ZNF367: variants seen among roughly 807,000 people sequenced by gnomAD.
ZNF367 encodes C2H2 zinc finger protein ZFF29.
Under a neutral mutation model 31.8 loss-of-function variants are expected in ZNF367, and 11 were observed. The observed-to-expected ratio is 0.35, with a 90% CI of 0.22 to 0.57. ZNF367 has a LOEUF of 0.57. ZNF367 is among the 20% of genes least tolerant of loss of function. The pLI is 0.85. For synonymous variants in ZNF367, 199 were observed against 202.4 expected, an observed-to-expected ratio of 0.98 and a Z score of 0.14; for missense variants, 353 against 484.1, an observed-to-expected ratio of 0.73 and a Z score of 2.54.
chr9:96,405,059 C>T (rs1160804877), intron 1 of ZNF367, among the ~76,000 whole-genome samples: 5 of 152,104 alleles, frequency 3.3e-5, no homozygotes, highest in African/African-American at 9.7e-5. Context: ...CAGTGTATCA[C>T]GCCTGTAATC....
intron 1 of ZNF367, among the ~76,000 whole-genome samples, chr9:96,403,210 C>T (rs1487452980): frequency 6.6e-6 from 1 of 152,182 alleles, no homozygotes; most frequent in African/African-American, 2.4e-5. Context: ...CCTCGTGATC[C>T]ACCCGCCTTG....
At chr9:96,415,358 A>G (rs1587751171) in intron 1 of ZNF367, among the ~76,000 whole-genome samples, 1 of 142,356 alleles carries the variant, frequency 7.0e-6, no homozygotes, top group African/African-American at 2.7e-5. Flanking sequence ...TGAGCCACCC[A>G]CCCGGTGGAT....
intron 1 of ZNF367, among the ~76,000 whole-genome samples, chr9:96,401,569 AT>A (rs1422655781): frequency 6.6e-6 from 1 of 150,416 alleles, no homozygotes; most frequent in Non-Finnish European, 1.5e-5. Flanking sequence ...AGGCAGGAGA[AT>A]TACTTGAACC....
chr9:96,404,975 AGCAGTTATATGGCCAACAAAT>A (rs1191661758), intron 1 of ZNF367, among the ~76,000 whole-genome samples: 1 of 152,200 alleles, frequency 6.6e-6, no homozygotes, highest in Admixed American at 6.5e-5. Flanking sequence ...ATTTCTCCAA[AGCAGTTATATGGCCAACAAAT>A]GCAGTTATAT....
chr9:96,390,884 G>GAAAAAA (rs34868065), intron 4 of ZNF367, among the ~76,000 whole-genome samples: 233 of 56,384 alleles, frequency 4.1e-3, no homozygotes, highest in East Asian at 7.3e-3. Flanking sequence ...ACCCTGTCTC[G>GAAAAAA]AAAAAAAAAA....
intron 3 of ZNF367, among the ~76,000 whole-genome samples, chr9:96,393,507 G>A (rs536764690): frequency 1.3e-5 from 2 of 150,974 alleles, no homozygotes; most frequent in East Asian, 2.0e-4. Flanking sequence ...GGCGAAAAGT[G>A]AGACTCCATC....
At chr9:96,414,118 A>T (rs1282397166) in intron 1 of ZNF367, among the ~76,000 whole-genome samples, 1 of 152,204 alleles carries the variant, frequency 6.6e-6, no homozygotes, top group African/African-American at 2.4e-5. Flanking sequence ...TACTGACCAC[A>T]AATCAAACTA....
intron 1 of ZNF367, chr9:96,407,207 G>A (rs1831681624): frequency 2.7e-6 from 2 of 733,662 alleles, no homozygotes; most frequent in Admixed American, 4.5e-5. Context: ...GCGTGGGCTT[G>A]TGGGTCTTTG....
chr9:96,388,873 A>C (rs1831436203), intron 4 of ZNF367, among the ~76,000 whole-genome samples: 1 of 152,252 alleles, frequency 6.6e-6, no homozygotes, highest in South Asian at 2.1e-4. Flanking sequence ...CCCACAAACT[A>C]TGAAAAAGTG....
At chr9:96,406,801 C>T (rs557228367) in intron 1 of ZNF367, among the ~76,000 whole-genome samples, 4 of 149,826 alleles carry the variant, frequency 2.7e-5, no homozygotes, top group Non-Finnish European at 4.4e-5. Context: ...CAGATTGAGA[C>T]CATCCTGGCT....
rs1042174583 is a variant in ZNF367 at position 96,386,916 on chromosome 9, T to G, written c.*1321A>C. ...TCTATTACTCTGAGTTTTACTCCAA[T>G]TAAGCGATCTGTAAGTTACCATGCT... is the stretch of plus-strand genomic sequence containing the variant. On this transcript the variant is annotated 3_prime_UTR_variant, in exon 5 of 5. Coordinates refer to ENST00000375256, the MANE Select transcript of ZNF367 (RefSeq NM_153695.4). The G allele has an allele frequency of 2.0e-5, 3 of 152,196 alleles. No individual in the cohort carries two copies. The highest frequency in any genetic ancestry group is 7.2e-5 in the African/African-American group (3 of 41,460). The allele number at this position is 152,196 out of a possible 1,614,324, so 9.4% of individuals were successfully genotyped here. A position where few individuals can be genotyped will look rare whatever the true frequency, so the allele number is the denominator to read the frequency against.
intron 1 of ZNF367, among the ~76,000 whole-genome samples, chr9:96,405,595 G>A (rs1361585022): frequency 6.6e-6 from 1 of 151,930 alleles, no homozygotes; most frequent in Non-Finnish European, 1.5e-5. Context: ...AATGGAATAT[G>A]TATACATATA....
intron 1 of ZNF367, chr9:96,407,199 G>T (rs1311665834): frequency 2.8e-6 from 2 of 707,872 alleles, no homozygotes; most frequent in Non-Finnish European, 5.1e-6. Context: ...CCTGCGTGGC[G>T]TGGGCTTGTG....
chr9:96,400,723 A>G (rs1831592643), intron 1 of ZNF367, among the ~76,000 whole-genome samples: 1 of 152,218 alleles, frequency 6.6e-6, no homozygotes, highest in Admixed American at 6.5e-5. Flanking sequence ...CAAGCATACC[A>G]ACATACATAT....
At chr9:96,401,051 C>T (rs1329992029) in intron 1 of ZNF367, among the ~76,000 whole-genome samples, 2 of 151,942 alleles carry the variant, frequency 1.3e-5, no homozygotes, top group African/African-American at 2.4e-5. Flanking sequence ...CGTAAGGAGA[C>T]CTCATGTCTA....
At chr9:96,392,254 T>C (rs1461764859) in intron 4 of ZNF367, 144 bp downstream of exon 4, 5 of 1,272,866 alleles carry the variant, frequency 3.9e-6, no homozygotes, top group Non-Finnish European at 5.5e-6. Flanking sequence ...AACAATTTTA[T>C]AGAAAATCAG....
At position 96,385,974 on chromosome 9, in the gene ZNF367, CT is replaced by C. The variant is rs1365705089; in HGVS notation, c.*2262del. The C allele has an allele frequency of 6.6e-6, 1 of 152,096 alleles. No homozygotes were observed. The highest frequency in any genetic ancestry group is 1.5e-5 in the Non-Finnish European group (1 of 67,998). The allele number at this position is 152,096 out of a possible 1,614,324, so 9.4% of individuals were successfully genotyped here. A position where few individuals can be genotyped will look rare whatever the true frequency, so the allele number is the denominator to read the frequency against. On this transcript the variant is annotated 3_prime_UTR_variant, in exon 5 of 5. Coordinates refer to ENST00000375256, the MANE Select transcript of ZNF367 (RefSeq NM_153695.4). ...TAAAATAAATTTTTATTCAAAGCAT[CT>C]TTTAAAATTACAGCATGTTTATTCT...
rs968172134 is a variant in ZNF367 at position 96,385,992 on chromosome 9, G to A, written c.*2245C>T. 6.6e-6 allele frequency: 1 copy of A among 152,104 alleles called. No individual in the cohort carries two copies. Among genetic ancestry groups the A allele is most frequent in the African/African-American group, 2.4e-5 (1 of 41,440 alleles). The allele number at this position is 152,104 out of a possible 1,614,324, so 9.4% of individuals were successfully genotyped here. On this transcript the variant is annotated 3_prime_UTR_variant, in exon 5 of 5. Coordinates refer to ENST00000375256, the MANE Select transcript of ZNF367 (RefSeq NM_153695.4). ...AAAGCATCTTTTAAAATTACAGCAT[G>A]TTTATTCTTATGCTGTTAACTCTGC...
rs758025706 is a variant in ZNF367 at position 96,392,371 on chromosome 9, C to T, written c.830+27G>A. 2.5e-6 allele frequency: 4 copies of T among 1,613,996 alleles called. No individual in the cohort carries two copies. The South Asian group carries it at 3.3e-5, about 13-fold the overall frequency. ...CCCCAGCCCGCGCTGTGCATCTTCA[C>T]GGTGGACTAAAGGCAGCATTCCTGA... On this transcript the variant is annotated intron_variant, in intron 4 of 4. Coordinates refer to ENST00000375256, the MANE Select transcript of ZNF367 (RefSeq NM_153695.4).
Sources: gnomAD v4.1 joint callset for allele counts (sites outside exome capture counted in the v4.1 genomes callset) on GRCh38, gnomAD v4.1.1 for gene constraint, MANE v1.5 for transcripts, NCBI Gene and HGNC (gene_info 2026-07-23, HGNC 2026-07-21) for gene names.